FNTB: variants seen among roughly 807,000 people sequenced by gnomAD.
FNTB encodes protein farnesyltransferase subunit beta.
Under a neutral mutation model 59.4 loss-of-function variants are expected in FNTB, and 27 were observed. That is an observed-to-expected ratio of 0.45 (90% CI 0.34 to 0.63). The LOEUF is 0.63. FNTB is among the 20% of genes least tolerant of loss of function. FNTB has a pLI of 0.02. For synonymous variants in FNTB, 230 were observed against 220.7 expected (o/e 1.04, Z -0.37); for missense variants, 449 against 559.6 (o/e 0.80, Z 1.99).
intron 11 of FNTB, among the ~76,000 whole-genome samples, chr14:65,055,022 G>A (rs149774541): frequency 6.6e-6 from 1 of 152,332 alleles, no homozygotes; most frequent in East Asian, 1.9e-4. Flanking sequence ...GTCCCAGCAG[G>A]CTCGTGATAG....
intron 4 of FNTB, chr14:65,021,942 G>A (rs758495884): frequency 7.0e-5 from 32 of 456,012 alleles, no homozygotes; most frequent in African/African-American, 3.6e-4. Context: ...CACTGCGCCC[G>A]GCCTATAGTA....
chr14:65,005,050 T>C (rs1430117910), intron 2 of FNTB, among the ~76,000 whole-genome samples: 1 of 152,220 alleles, frequency 6.6e-6, no homozygotes, highest in Non-Finnish European at 1.5e-5. Flanking sequence ...TGGAAAAACA[T>C]GGGAAGTTTG....
chr14:65,053,429 C>G, intron 10 of FNTB, 80 bp downstream of exon 10: 1 of 1,193,562 alleles, frequency 8.4e-7, no homozygotes, highest in Non-Finnish European at 1.1e-6. Flanking sequence ...TACTCAGAGC[C>G]AGATCTCAAG....
At position 65,015,607 on chromosome 14, in the gene FNTB, C is replaced by G. The variant is rs1317948511; in HGVS notation, c.283-18C>G. ...TGATTGTGAATAAGGGATGTTTTCTCTCCTGTCTCTCTCCCAGTGTCTGGA... is the reference window on the plus strand; with the variant it reads ...TGATTGTGAATAAGGGATGTTTTCTGTCCTGTCTCTCTCCCAGTGTCTGGA... On this transcript the variant is annotated intron_variant, in intron 3 of 11. Transcript: ENST00000246166. 6.2e-7 allele frequency: 1 copy of G among 1,613,630 alleles called. No homozygotes were observed. The highest frequency in any genetic ancestry group is 8.5e-7 in the Non-Finnish European group (1 of 1,179,674).
intron 9 of FNTB, among the ~76,000 whole-genome samples, chr14:65,048,961 C>T (rs896848085): frequency 3.9e-5 from 6 of 152,078 alleles, no homozygotes; most frequent in African/African-American, 1.2e-4. Context: ...CCCATCTCTA[C>T]TAAAGATACA....
At chr14:65,037,415 T>TTTTTTTTTTTTTTTTTTTTTTTTTTTTG (rs2062223373) in intron 7 of FNTB, among the ~76,000 whole-genome samples, 1 of 92,018 alleles carries the variant, frequency 1.1e-5, no homozygotes, top group Non-Finnish European at 2.0e-5. Context: ...TTTTTTTTTT[T>TTTTTTTTTTTTTTTTTTTTTTTTTTTTG]TTTTTTTTTT....
In FNTB at chr14:64,986,917, A is replaced by G. The variant is rs759307173; in HGVS notation, c.-37A>G. On this transcript the variant is annotated 5_prime_UTR_variant, in exon 1 of 12. Transcript: ENST00000246166. The stretch of plus-strand genomic sequence containing the variant: ...TTCAATGCGCGTTGTTGCTTAACGA[A>G]GCAGAGTCCTACACACTGTCTGCTG... The G allele has an allele frequency of 1.1e-5, 18 of 1,613,044 alleles. No individual in the cohort carries two copies. The highest frequency in any genetic ancestry group is 1.5e-5 in the Non-Finnish European group (18 of 1,179,174).
At position 65,012,792 on chromosome 14, in the gene FNTB, T is replaced by C. The variant is rs190183116; in HGVS notation, c.282+403T>C. 6.6e-6 allele frequency among the ~76,000 whole-genome samples: 1 copy of C among 152,372 alleles called. No homozygotes were observed. The highest frequency in any genetic ancestry group is 2.4e-5 in the African/African-American group (1 of 41,594). On this transcript the variant is annotated intron_variant, in intron 3 of 11. Coordinates refer to ENST00000246166, the MANE Select transcript of FNTB (RefSeq NM_002028.4). This position sits in a 1 kb window ranked among gnomAD's most constrained non-coding sequence, Gnocchi z 5.0. ...CAAACCTGTTAAGTCTGTATCGTGA[T>C]GGTTACAAATTTTCCAACTTCACCA...
rs1183205587 is a variant in FNTB at position 65,030,483 on chromosome 14, A to T, written c.606-2127A>T. Reference sequence around the variant, plus strand: ...CCGAGCGGCAGTGGCTCATGTCTGTAATCTCAACACTTTGAGAGACTGAGA... The same window carrying T: ...CCGAGCGGCAGTGGCTCATGTCTGTTATCTCAACACTTTGAGAGACTGAGA... On this transcript the variant is annotated intron_variant, in intron 6 of 11. Transcript: ENST00000246166. This position sits in a 1 kb window ranked among gnomAD's most constrained non-coding sequence, Gnocchi z 4.5. Among the ~76,000 whole-genome samples the T allele has an allele frequency of 6.6e-6, 1 of 152,180 alleles. No individual in the cohort carries two copies. The highest frequency in any genetic ancestry group is 1.5e-5 in the Non-Finnish European group (1 of 68,024).
At position 65,029,804 on chromosome 14, in the gene FNTB, A is replaced by G. The variant is rs1201263142; in HGVS notation, c.605+2023A>G. ...CTCCTATGGAGTCTGGAGTTTAGTG[A>G]TGTGATCTGATTTGTATTTTCTTAG... On this transcript the variant is annotated intron_variant, in intron 6 of 11. Coordinates refer to ENST00000246166, the MANE Select transcript of FNTB (RefSeq NM_002028.4). This position sits in a 1 kb window ranked among gnomAD's most constrained non-coding sequence, Gnocchi z 4.7. 6.6e-6 allele frequency among the ~76,000 whole-genome samples: 1 copy of G among 152,072 alleles called. No individual in the cohort carries two copies. The highest frequency in any genetic ancestry group is 1.5e-5 in the Non-Finnish European group (1 of 68,012).
At chr14:65,017,121 C>T (rs2061790155) in intron 4 of FNTB, among the ~76,000 whole-genome samples, 1 of 152,044 alleles carries the variant, frequency 6.6e-6, no homozygotes, top group South Asian at 2.1e-4. Flanking sequence ...TAGGCTTTCA[C>T]CATATTGACC....
intron 1 of FNTB, among the ~76,000 whole-genome samples, chr14:64,988,419 T>G (rs927920735): frequency 2.0e-5 from 3 of 151,430 alleles, no homozygotes; most frequent in Non-Finnish European, 2.9e-5. Flanking sequence ...TTACTTATTA[T>G]CTGACCTTAG....
chr14:65,019,508 A>AT (rs71123900), intron 4 of FNTB, among the ~76,000 whole-genome samples: 85,066 of 151,842 alleles, frequency 0.56, 24,393 homozygotes, highest in African/African-American at 0.68. Context: ...CAAACAAAAC[A>AT]TTTTTTTTAA....
At position 65,040,839 on chromosome 14, in the gene FNTB, C is replaced by T. The variant is rs2062335298; in HGVS notation, c.742C>T (p.His248Tyr). 6.2e-7 allele frequency: 1 copy of T among 1,613,836 alleles called. No homozygotes were observed. Among genetic ancestry groups the T allele is most frequent in the Non-Finnish European group, 8.5e-7 (1 of 1,179,946 alleles). Residue 248 changes from histidine (H) to tyrosine (Y), a missense_variant, in exon 8 of 12, where the codon CAT becomes TAT. Around this residue, in one of 2 missense-constraint regions of FNTB, gnomAD observed 337 missense variants for 479.1 expected, o/e 0.70. Coordinates refer to ENST00000246166, the MANE Select transcript of FNTB (RefSeq NM_002028.4). ...GIGGVPGMEA[H>Y]GGYTFCGLAA... Reference sequence around the variant, plus strand: ...TGGCGGGGTACCAGGGATGGAAGCCCATGGTGGCTATACCTTCTGTGGCCT... The same window carrying T: ...TGGCGGGGTACCAGGGATGGAAGCCTATGGTGGCTATACCTTCTGTGGCCT...
intron 1 of FNTB, among the ~76,000 whole-genome samples, chr14:64,993,307 C>T (rs1888274838): frequency 6.6e-6 from 1 of 152,172 alleles, no homozygotes; most frequent in African/African-American, 2.4e-5. Flanking sequence ...GCTGGCCTTA[C>T]AATGGCAGTT....
rs10130343 is a variant in FNTB, at chr14:65,062,169, A to T, written c.*857A>T. The T allele has an allele frequency of 0.23, 34,578 of 152,076 alleles. 7,150 individuals carry two copies. The highest frequency in any genetic ancestry group is 0.56 in the African/African-American group (23,021 of 41,246). The allele number at this position is 152,076 out of a possible 1,614,324, so 9.4% of individuals were successfully genotyped here. A position where few individuals can be genotyped will look rare whatever the true frequency, so the allele number is the denominator to read the frequency against. On this transcript the variant is annotated 3_prime_UTR_variant, in exon 12 of 12. Coordinates refer to ENST00000246166, the MANE Select transcript of FNTB (RefSeq NM_002028.4). This position sits in a 1 kb window ranked among gnomAD's most constrained non-coding sequence, Gnocchi z 4.3. ...GGCCGAGGCCCTTCTGGGGGTTTCT[A>T]TCTTTCTTCCACCAGACTCCAAGCC...
chr14:65,027,846 G>A lies in FNTB; in HGVS notation c.605+65G>A. The A allele has an allele frequency of 5.6e-6, 9 of 1,602,300 alleles. No individual in the cohort carries two copies. The highest frequency in any genetic ancestry group is 7.7e-6 in the Non-Finnish European group (9 of 1,172,282). ...CTAGAGCTCATCTGCCATTAGAGATGCCAAGCCTAAGGAACATCATGGGGA... is the reference window on the plus strand; with the variant it reads ...CTAGAGCTCATCTGCCATTAGAGATACCAAGCCTAAGGAACATCATGGGGA... On this transcript the variant is annotated intron_variant, in intron 6 of 11. Transcript: ENST00000246166. This position sits in a 1 kb window ranked among gnomAD's most constrained non-coding sequence, Gnocchi z 5.7.
At chr14:65,002,222 C>T (rs552214640) in intron 1 of FNTB, among the ~76,000 whole-genome samples, 5 of 152,320 alleles carry the variant, frequency 3.3e-5, no homozygotes, top group Admixed American at 6.5e-5. Flanking sequence ...GTTAACCAGA[C>T]GCTCCCTCAT....
chr14:65,049,641 G>A lies in FNTB; in HGVS notation c.956-3597G>A, dbSNP rs546288063. ...TAGTTTTTTATATAATAAACATAGC[G>A]TTTTCTTTTCAGACTCTAATTTTAG... On this transcript the variant is annotated intron_variant, in intron 9 of 11. Coordinates refer to ENST00000246166, the MANE Select transcript of FNTB (RefSeq NM_002028.4). 7.2e-4 allele frequency among the ~76,000 whole-genome samples: 109 copies of A among 152,070 alleles called. 1 individual carries two copies. Among genetic ancestry groups the A allele is most frequent in the African/African-American group, 2.5e-3 (104 of 41,504 alleles).
Sources: allele counts gnomAD v4.1 joint callset (sites outside exome capture counted in the v4.1 genomes callset), GRCh38; gene constraint gnomAD v4.1.1; regional missense constraint gnomAD v4.1.1; non-coding constraint Gnocchi (gnomAD v3.1); transcripts MANE v1.5; gene names NCBI Gene and HGNC (gene_info 2026-07-23, HGNC 2026-07-21).